PCDHGA3: variants seen among roughly 807,000 people sequenced by gnomAD.
The protein encoded by PCDHGA3 is protocadherin gamma subfamily A, 3, also known as protocadherin gamma-A3.
PCDHGA3 carries 40 observed loss-of-function variants against 58.5 expected under a neutral mutation model. That is an observed-to-expected ratio of 0.68 (90% confidence interval 0.53 to 0.89). The LOEUF is 0.89. PCDHGA3 is among the 40% of genes least tolerant of loss of function. The pLI is 0.00. For missense variants in PCDHGA3, 1,223 were observed against 1,195.9 expected (o/e 1.02, Z -0.33); for synonymous variants, 530 against 525.7 (o/e 1.01, Z -0.11).
chr5:141,478,520 G>A, intron 1 of PCDHGA3: 1 of 1,610,510 alleles, frequency 6.2e-7, no homozygotes, highest in Non-Finnish European at 8.5e-7. Context: ...GCAGGTGTTG[G>A]GTGCAGAGAG....
In PCDHGA3 at chr5:141,512,839, C is replaced by T. The variant is rs141207714; in HGVS notation, c.*1666C>T. ...GACCCCCTCCCCCGTACTGACTTCTCCTATAAGCGCTTCTCTTCGCATAGT... is the reference window on the plus strand; with the variant it reads ...GACCCCCTCCCCCGTACTGACTTCTTCTATAAGCGCTTCTCTTCGCATAGT... On this transcript the variant is annotated 3_prime_UTR_variant, in exon 4 of 4. Transcript: ENST00000253812. 278 of 152,216 alleles carry T rather than the reference C, an allele frequency of 1.8e-3. 2 individuals are homozygous for T. Among genetic ancestry groups the T allele is most frequent in the Middle Eastern group, 0.01 (3 of 292 alleles). 9.4% of individuals were successfully genotyped at this position (152,216 alleles called of 1,614,324 possible). A position where few individuals can be genotyped will look rare whatever the true frequency, so the allele number is the denominator to read the frequency against.
chr5:141,379,963 G>A (rs1181673658), intron 1 of PCDHGA3, among the ~76,000 whole-genome samples: 1 of 124,340 alleles, frequency 8.0e-6, no homozygotes, highest in African/African-American at 3.0e-5. Context: ...GCAGTGGTGT[G>A]ATCTCTGCTC....
rs776718024 is a variant in PCDHGA3 at position 141,486,333 on chromosome 5, T to C, written c.2425-8474T>C. 8.1e-6 allele frequency: 13 copies of C among 1,614,080 alleles called. No individual in the cohort carries two copies. Among genetic ancestry groups the C allele is most frequent in the Non-Finnish European group, 1.1e-5 (13 of 1,179,998 alleles). On this transcript the variant is annotated intron_variant, in intron 1 of 3. Coordinates refer to ENST00000253812, the MANE Select transcript of PCDHGA3 (RefSeq NM_018916.4). The surrounding 1 kb of genome is among the most constrained non-coding windows in gnomAD (Gnocchi z 5.0). ...TCAGGGTCAAACGGAGATGTGAGCC[T>C]CCGCATTCCTGACCACTTGCCATTT...
intron 1 of PCDHGA3, chr5:141,393,857 C>G (rs753457502): frequency 6.8e-6 from 11 of 1,613,978 alleles, no homozygotes; most frequent in Non-Finnish European, 9.3e-6. Flanking sequence ...CAGAAGTGAT[C>G]ATTACGTCTT....
chr5:141,344,196 G>C lies in PCDHGA3; in HGVS notation c.163G>C (p.Glu55Gln). 1.2e-6 allele frequency: 2 copies of C among 1,614,034 alleles called. No homozygotes were observed. The highest frequency in any genetic ancestry group is 1.7e-6 in the Non-Finnish European group (2 of 1,179,902). Residue 55 changes from glutamate (E) to glutamine (Q), a missense_variant, in exon 1 of 4, where the codon GAG becomes CAG. Around this residue, in one of 3 missense-constraint regions of PCDHGA3, gnomAD observed 791 missense variants for 708.5 expected, o/e 1.12. Coordinates refer to ENST00000253812, the MANE Select transcript of PCDHGA3 (RefSeq NM_018916.4). ...VGNIANDLGL[E>Q]PRELAERGVR... ...CAACATCGCTAACGACCTGGGGCTA[G>C]AGCCCCGGGAGCTGGCGGAGCGCGG...
At chr5:141,499,019 AGGAAGGAAGAAAAG>A (rs2099788655) in intron 2 of PCDHGA3, among the ~76,000 whole-genome samples, 1 of 150,840 alleles carries the variant, frequency 6.6e-6, no homozygotes, top group Non-Finnish European at 1.5e-5. Flanking sequence ...GAAGGAAGGA[AGGAAGGAAGAAAAG>A]AAAGAAAAAG....
At position 141,410,538 on chromosome 5, in the gene PCDHGA3, T is replaced by C. The variant is rs373020361; in HGVS notation, c.2424+64081T>C. The C allele has an allele frequency of 5.6e-6, 9 of 1,613,830 alleles. No homozygotes were observed. The South Asian group carries it at 7.7e-5, about 14-fold the overall frequency. On this transcript the variant is annotated intron_variant, in intron 1 of 3. Transcript: ENST00000253812. ...GTGCCCCTACATTCCAATGAAGACA[T>C]GGTTTGCAGTGTTTCTCCTGGAGCC...
intron 1 of PCDHGA3, chr5:141,390,568 C>T: frequency 2.4e-6 from 1 of 414,986 alleles, no homozygotes; most frequent in Non-Finnish European, 4.3e-6. Context: ...GTTGTTGGCT[C>T]TCTCCTAAAA....
intron 1 of PCDHGA3, chr5:141,422,963 C>G (rs372620011): frequency 1.1e-5 from 17 of 1,614,238 alleles, no homozygotes; most frequent in Non-Finnish European, 1.4e-5. Context: ...GTGGAGCTGG[C>G]GCCCCGCTCT....
rs747585516 is a variant in PCDHGA3, at chr5:141,409,120, A to G, written c.2424+62663A>G. ...CAGGTATGATTAAGAATAACCAGTC[A>G]TTTGATTTTGAAGATGTAGAAAGGT... On this transcript the variant is annotated intron_variant, in intron 1 of 3. Transcript: ENST00000253812. 6 of 1,613,844 alleles carry G rather than the reference A, an allele frequency of 3.7e-6. No homozygotes were observed. The African/African-American group carries it at 8.0e-5, about 22-fold the overall frequency.
In PCDHGA3 at chr5:141,476,264, G is replaced by A. The variant is rs753184649; in HGVS notation, c.2425-18543G>A. The A allele has an allele frequency of 2.5e-6, 4 of 1,614,082 alleles. No individual in the cohort carries two copies. The highest frequency in any genetic ancestry group is 3.4e-6 in the Non-Finnish European group (4 of 1,180,010). Reference sequence around the variant, plus strand: ...AGAGAAGGGTTTCGCTGTGGGCAACGTGGTCGCGAACCTTGGTTTGGATCT... The same window carrying A: ...AGAGAAGGGTTTCGCTGTGGGCAACATGGTCGCGAACCTTGGTTTGGATCT... On this transcript the variant is annotated intron_variant, in intron 1 of 3. Coordinates refer to ENST00000253812, the MANE Select transcript of PCDHGA3 (RefSeq NM_018916.4). The surrounding 1 kb of genome is among the most constrained non-coding windows in gnomAD (Gnocchi z 7.6).
At chr5:141,375,779 G>C (rs749559180) in intron 1 of PCDHGA3, 1 of 1,614,176 alleles carries the variant, frequency 6.2e-7, no homozygotes, top group South Asian at 1.1e-5. Flanking sequence ...CCTGTACCCC[G>C]CCCTCCCCAC....
rs932003988 is a variant in PCDHGA3 at position 141,363,453 on chromosome 5, G to A, written c.2424+16996G>A. Reference sequence around the variant, plus strand: ...ATAGAAAGGTCACTCAGTACTTCTCGACAAGTATCTGCTCATGCTTTCCTG... The same window carrying A: ...ATAGAAAGGTCACTCAGTACTTCTCAACAAGTATCTGCTCATGCTTTCCTG... On this transcript the variant is annotated intron_variant, in intron 1 of 3. Transcript: ENST00000253812. 5.9e-5 allele frequency among the ~76,000 whole-genome samples: 9 copies of A among 152,136 alleles called. No homozygotes were observed. In the South Asian group the frequency reaches 1.2e-3, roughly 21 times the overall value.
At chr5:141,389,281 G>T in intron 1 of PCDHGA3, 2 of 1,614,012 alleles carry the variant, frequency 1.2e-6, no homozygotes, top group Non-Finnish European at 1.7e-6. Context: ...AACCCGCCTG[G>T]AGCCTCTATT....
chr5:141,491,884 G>C lies in PCDHGA3; in HGVS notation c.2425-2923G>C, dbSNP rs745931108. 5.0e-5 allele frequency: 73 copies of C among 1,446,372 alleles called. No homozygotes were observed. The highest frequency in any genetic ancestry group is 6.3e-5 in the Non-Finnish European group (69 of 1,094,334). The allele number at this position is 1,446,372 out of a possible 1,614,324, so 89.6% of individuals were successfully genotyped here. A position where few individuals can be genotyped will look rare whatever the true frequency, so the allele number is the denominator to read the frequency against. On this transcript the variant is annotated intron_variant, in intron 1 of 3. Coordinates refer to ENST00000253812, the MANE Select transcript of PCDHGA3 (RefSeq NM_018916.4). The surrounding 1 kb of genome is among the most constrained non-coding windows in gnomAD (Gnocchi z 6.9). The stretch of plus-strand genomic sequence containing the variant: ...AACCAGAGTGGCCGATTAAGGGATG[G>C]GGCTCCGAGCACCGGGGGTGGTGGC...
rs1444171664 is a variant in PCDHGA3, at chr5:141,477,015, T to G, written c.2425-17792T>G. The G allele has an allele frequency of 1.2e-6, 2 of 1,614,210 alleles. No homozygotes were observed. Among genetic ancestry groups the G allele is most frequent in the Non-Finnish European group, 1.7e-6 (2 of 1,180,038 alleles). On this transcript the variant is annotated intron_variant, in intron 1 of 3. Coordinates refer to ENST00000253812, the MANE Select transcript of PCDHGA3 (RefSeq NM_018916.4). This position sits in a 1 kb window ranked among gnomAD's most constrained non-coding sequence, Gnocchi z 4.9. ...CGGCAACTATTCGCCTTAGACCTTG[T>G]AACCGGGATGCTGACAATCAAGGGT...
intron 1 of PCDHGA3, chr5:141,426,612 G>A (rs2096947310): frequency 2.6e-6 from 1 of 384,602 alleles, no homozygotes; most frequent in Non-Finnish European, 5.3e-6. Flanking sequence ...GATTGTAGCA[G>A]AGAATCCTCT....
At chr5:141,461,740 G>T (rs770518286) in intron 1 of PCDHGA3, among the ~76,000 whole-genome samples, 1 of 152,072 alleles carries the variant, frequency 6.6e-6, no homozygotes, top group African/African-American at 2.4e-5. Context: ...GCACAATCCC[G>T]GCTCCCAGAT....
In PCDHGA3 at chr5:141,476,883, A is replaced by G. The variant is rs1266909654; in HGVS notation, c.2425-17924A>G. ...TTGTACCGGGCGCGCGTCCTGGAGG[A>G]TGCACCCTCCGGCACGCGCGTGGTA... On this transcript the variant is annotated intron_variant, in intron 1 of 3. Coordinates refer to ENST00000253812, the MANE Select transcript of PCDHGA3 (RefSeq NM_018916.4). This position sits in a 1 kb window ranked among gnomAD's most constrained non-coding sequence, Gnocchi z 7.6. 1 of 1,613,916 alleles carries G rather than the reference A, an allele frequency of 6.2e-7. No individual in the cohort carries two copies. The highest frequency in any genetic ancestry group is 8.5e-7 in the Non-Finnish European group (1 of 1,180,026).
Sources: gnomAD v4.1 joint callset for allele counts (sites outside exome capture counted in the v4.1 genomes callset) on GRCh38, gnomAD v4.1.1 for gene constraint, gnomAD v4.1.1 regional missense constraint, Gnocchi (gnomAD v3.1) non-coding constraint, MANE v1.5 for transcripts, NCBI Gene and HGNC (gene_info 2026-07-23, HGNC 2026-07-21) for gene names.